BTBD10: variants seen among roughly 807,000 people sequenced by gnomAD.
The protein encoded by BTBD10 is BTB domain containing 10.
A neutral mutation model predicts 53.2 loss-of-function variants in BTBD10; 21 were observed. That is an observed-to-expected ratio of 0.39 (90% CI 0.28 to 0.57). The LOEUF (loss-of-function observed/expected upper bound fraction) is 0.57, where lower values mean the gene tolerates loss of function less well. BTBD10 is among the 20% of genes least tolerant of loss of function. The pLI is 0.53. For synonymous variants in BTBD10, 149 were observed against 192.7 expected, an observed-to-expected ratio of 0.77 and a Z score of 1.88; for missense variants, 360 against 594.7, an observed-to-expected ratio of 0.61 and a Z score of 4.10.
chr11:13,438,527 G>T lies in BTBD10; in HGVS notation c.101+6497C>A, dbSNP rs1050650682. 2.6e-5 allele frequency among the ~76,000 whole-genome samples: 4 copies of T among 151,718 alleles called. No homozygotes were observed. In the South Asian group the frequency reaches 8.3e-4, roughly 32 times the overall value. ...ACACTATGTAATCCTTTAAAATTAT[G>T]CAATAGAAGATCACTTCATGACTAA... is the stretch of plus-strand genomic sequence containing the variant. On this transcript the variant is annotated intron_variant, in intron 2 of 8. Coordinates refer to ENST00000278174, the MANE Select transcript of BTBD10 (RefSeq NM_032320.7).
intron 1 of BTBD10, among the ~76,000 whole-genome samples, chr11:13,451,603 T>C (rs1950859809): frequency 6.6e-6 from 1 of 152,298 alleles, no homozygotes; most frequent in East Asian, 1.9e-4. Flanking sequence ...GAAACAAGTT[T>C]GCAGTTTGAA....
chr11:13,388,992 T>C lies in BTBD10; in HGVS notation c.1267A>G (p.Lys423Glu). The change falls in exon 9 of 9, where the codon AAA (lysine) becomes GAA (glutamate). Residue 423 changes from lysine to glutamate, a missense_variant. Physicochemically the swap from Lys to Glu is moderately conservative, Grantham distance 56 (BLOSUM62 1). Coordinates refer to ENST00000278174, the MANE Select transcript of BTBD10 (RefSeq NM_032320.7). Reference protein sequence around the residue: ...RHVDFQCVKSKSITNLAAAAA... With the variant: ...RHVDFQCVKSESITNLAAAAA... ...GCTGCTGCAAGATTGGTGATAGATT[T>C]ACTCTTTACACACTGAAAGTCTACA... is the stretch of plus-strand genomic sequence containing the variant. 6.2e-7 allele frequency: 1 copy of C among 1,614,168 alleles called. No individual in the cohort carries two copies. The highest frequency in any genetic ancestry group is 8.5e-7 in the Non-Finnish European group (1 of 1,180,046).
intron 2 of BTBD10, among the ~76,000 whole-genome samples, chr11:13,424,232 C>T (rs567059877): frequency 2.0e-5 from 3 of 152,196 alleles, no homozygotes; most frequent in South Asian, 2.1e-4. Context: ...AGCACAACAA[C>T]GAGTAAGACA....
intron 1 of BTBD10, among the ~76,000 whole-genome samples, chr11:13,458,658 G>C (rs572980647): frequency 1.3e-5 from 2 of 152,222 alleles, no homozygotes; most frequent in African/African-American, 4.8e-5. Flanking sequence ...TCAGTATTAT[G>C]GTTTCATAAT....
At chr11:13,429,129 T>A (rs1825177353) in intron 2 of BTBD10, among the ~76,000 whole-genome samples, 1 of 151,390 alleles carries the variant, frequency 6.6e-6, no homozygotes, top group South Asian at 2.1e-4. Flanking sequence ...TGTGAAAAAC[T>A]CACACATTGG....
At chr11:13,394,486 T>C (rs895240695) in intron 8 of BTBD10, among the ~76,000 whole-genome samples, 3 of 152,348 alleles carry the variant, frequency 2.0e-5, no homozygotes, top group East Asian at 3.9e-4. Context: ...TGCGGAATTG[T>C]GCACCAAATA....
intron 8 of BTBD10, among the ~76,000 whole-genome samples, chr11:13,394,346 C>A (rs1031119586): frequency 6.6e-6 from 1 of 152,076 alleles, no homozygotes; most frequent in African/African-American, 2.4e-5. Context: ...TGAGATCTGA[C>A]GGTTTAAAAG....
At chr11:13,424,490 T>C (rs902068611) in intron 2 of BTBD10, among the ~76,000 whole-genome samples, 30 of 152,258 alleles carry the variant, frequency 2.0e-4, no homozygotes, top group African/African-American at 7.2e-4. Flanking sequence ...AGACAAATTA[T>C]GTCCTACTAT....
chr11:13,442,939 A>AT (rs1950685602), intron 2 of BTBD10, among the ~76,000 whole-genome samples: 1 of 152,118 alleles, frequency 6.6e-6, no homozygotes, highest in African/African-American at 2.4e-5. Flanking sequence ...CCTTGGGCAG[A>AT]TTTTCCATGA....
intron 5 of BTBD10, among the ~76,000 whole-genome samples, chr11:13,414,776 G>T (rs1354250442): frequency 7.2e-6 from 1 of 138,788 alleles, no homozygotes; most frequent in Non-Finnish European, 1.5e-5. Context: ...GGAGGCAGAG[G>T]TTGCAGTGAG....
chr11:13,432,727 A>G (rs1950472772), intron 2 of BTBD10, among the ~76,000 whole-genome samples: 1 of 152,062 alleles, frequency 6.6e-6, no homozygotes, highest in Non-Finnish European at 1.5e-5. Flanking sequence ...GAAATGCAAA[A>G]TAATAGCAGA....
intron 2 of BTBD10, among the ~76,000 whole-genome samples, chr11:13,430,199 T>C (rs1170853507): frequency 6.6e-6 from 1 of 152,196 alleles, no homozygotes; most frequent in Non-Finnish European, 1.5e-5. Flanking sequence ...AGGACTGATA[T>C]GTAAACTATA....
At chr11:13,457,936 GA>G (rs1555034349) in intron 1 of BTBD10, among the ~76,000 whole-genome samples, 1 of 152,006 alleles carries the variant, frequency 6.6e-6, no homozygotes, top group Non-Finnish European at 1.5e-5. Context: ...CAGTCAGAAA[GA>G]AATTACTCCA....
chr11:13,431,002 C>CACACACAG (rs1404662683), intron 2 of BTBD10, among the ~76,000 whole-genome samples: 2 of 139,516 alleles, frequency 1.4e-5, no homozygotes, highest in East Asian at 1.9e-4. Flanking sequence ...CACACACACA[C>CACACACAG]AGATATATAT....
chr11:13,432,862 T>C (rs979349465), intron 2 of BTBD10, among the ~76,000 whole-genome samples: 8 of 152,066 alleles, frequency 5.3e-5, no homozygotes, highest in Non-Finnish European at 1.2e-4. Context: ...GAGGTCAACA[T>C]TCAATTAATA....
chr11:13,452,251 A>G (rs1369170573), intron 1 of BTBD10, among the ~76,000 whole-genome samples: 1 of 152,030 alleles, frequency 6.6e-6, no homozygotes, highest in African/African-American at 2.4e-5. Flanking sequence ...TATGAAAGAC[A>G]AAACTATAAA....
chr11:13,389,777 G>A (rs1475666757), intron 8 of BTBD10, among the ~76,000 whole-genome samples: 1 of 152,194 alleles, frequency 6.6e-6, no homozygotes, highest in Non-Finnish European at 1.5e-5. Context: ...TACAGGCCTG[G>A]AATTTAGCCA....
In BTBD10 at chr11:13,413,592, C is replaced by G; in HGVS notation, c.746G>C (p.Arg249Thr). The change falls in exon 6 of 9, where the codon AGA becomes ACA. Residue 249 changes from arginine to threonine, a missense_variant. Physicochemically the swap from Arg to Thr is moderately conservative, Grantham distance 71. Transcript: ENST00000278174. The part of the protein sequence containing the change: ...CPDGISIPEL[R>T]EACDYLCISF... ...GATACAAAGATAGTCACATGCTTCT[C>G]TCAGTTCAGGAATAGATATGCCATC... The G allele has an allele frequency of 6.2e-7, 1 of 1,611,324 alleles. No homozygotes were observed. Among genetic ancestry groups the G allele is most frequent in the Non-Finnish European group, 8.5e-7 (1 of 1,178,114 alleles).
chr11:13,419,985 T>C (rs1016727239), intron 3 of BTBD10, among the ~76,000 whole-genome samples: 1 of 152,154 alleles, frequency 6.6e-6, no homozygotes, highest in African/African-American at 2.4e-5. Context: ...AAAAGATGTA[T>C]AGCTGACTAA....
Sources: allele counts gnomAD v4.1 joint callset (sites outside exome capture counted in the v4.1 genomes callset), GRCh38; gene constraint gnomAD v4.1.1; transcripts MANE v1.5; gene names NCBI Gene and HGNC (gene_info 2026-07-23, HGNC 2026-07-21).